Variants in ZCCHC14 observed in about 807,000 individuals in gnomAD.
ZCCHC14 encodes the protein zinc finger CCHC-type containing 14.
In ZCCHC14, 16 loss-of-function variants were observed where a neutral mutation model predicts 85.0. The ratio of observed to expected loss-of-function variants is 0.19; its 90% CI spans 0.13 to 0.29. The LOEUF (loss-of-function observed/expected upper bound fraction) is 0.29, where lower values mean the gene tolerates loss of function less well. ZCCHC14 is among the 10% of genes least tolerant of loss of function. The pLI, the probability that ZCCHC14 is intolerant of heterozygous loss-of-function variation, is 1.00. For missense variants in ZCCHC14, 1,303 were observed against 1,443.5 expected (o/e 0.90, Z 1.58); for synonymous variants, 775 against 630.7 (o/e 1.23, Z -3.43).
rs183305073 is a variant in ZCCHC14 at position 87,438,590 on chromosome 16, G to C, written c.695-5389C>G. Among the ~76,000 whole-genome samples, 105 of 152,346 alleles carry C rather than the reference G, an allele frequency of 6.9e-4. 1 individual carries two copies. The highest frequency in any genetic ancestry group is 3.1e-3 in the Admixed American group (47 of 15,308). ...CTTCCTCATTTGTTTAATGGGGATA[G>C]TAGCTTAAAAGGGCCAATAGTTTGT... On this transcript the variant is annotated intron_variant, in intron 2 of 12. Transcript: ENST00000671377.
At chr16:87,424,699 A>G (rs1909280052) in intron 3 of ZCCHC14, among the ~76,000 whole-genome samples, 1 of 152,120 alleles carries the variant, frequency 6.6e-6, no homozygotes. Flanking sequence ...AGGAGAGCGT[A>G]CTTTTTGCAC....
intron 3 of ZCCHC14, among the ~76,000 whole-genome samples, chr16:87,427,637 A>G (rs1909441144): frequency 6.6e-6 from 1 of 151,952 alleles, no homozygotes; most frequent in East Asian, 1.9e-4. Context: ...GTATTGTTTT[A>G]TCATTTTTTT....
intron 2 of ZCCHC14, among the ~76,000 whole-genome samples, chr16:87,450,756 A>C (rs117014413): frequency 6.6e-6 from 1 of 152,020 alleles, no homozygotes; most frequent in Admixed American, 6.6e-5. Context: ...GATTTTCACC[A>C]TGTTGCCCAG....
chr16:87,467,217 C>T (rs1414584653), intron 1 of ZCCHC14: 13 of 1,541,018 alleles, frequency 8.4e-6, no homozygotes, highest in Non-Finnish European at 1.2e-5. Context: ...AAAGGAAACT[C>T]GAATGAGGAC....
At chr16:87,434,512 T>G (rs566992601) in intron 2 of ZCCHC14, among the ~76,000 whole-genome samples, 1 of 152,196 alleles carries the variant, frequency 6.6e-6, no homozygotes, top group Non-Finnish European at 1.5e-5. Context: ...GTCTGCTAAT[T>G]TGTAGAATCT....
At chr16:87,453,518 G>A (rs189950645) in intron 2 of ZCCHC14, among the ~76,000 whole-genome samples, 9 of 152,298 alleles carry the variant, frequency 5.9e-5, no homozygotes, top group Admixed American at 1.3e-4. Flanking sequence ...CAAGGAGAGC[G>A]TCCCAGACAA....
chr16:87,445,135 C>T (rs1910374174), intron 2 of ZCCHC14, among the ~76,000 whole-genome samples: 1 of 150,296 alleles, frequency 6.7e-6, no homozygotes, highest in African/African-American at 2.5e-5. Context: ...GGTGTGATAT[C>T]AGCTCACTGC....
intron 2 of ZCCHC14, among the ~76,000 whole-genome samples, chr16:87,455,744 G>T (rs1432973603): frequency 6.6e-6 from 1 of 152,228 alleles, no homozygotes; most frequent in African/African-American, 2.4e-5. Flanking sequence ...CTTTACAACA[G>T]TGCAAAAGCA....
chr16:87,467,031 G>GAAA, intron 1 of ZCCHC14: 2 of 332,578 alleles, frequency 6.0e-6, no homozygotes, highest in African/African-American at 2.4e-5. Flanking sequence ...TGTTTTTCAT[G>GAAA]AAAAAAAAAA....
At chr16:87,456,577 T>C (rs185129739) in intron 2 of ZCCHC14, among the ~76,000 whole-genome samples, 100 of 147,938 alleles carry the variant, frequency 6.8e-4, no homozygotes, top group Non-Finnish European at 1.1e-3. Context: ...AGATTTTAGG[T>C]GAATTCTTGT....
intron 1 of ZCCHC14, among the ~76,000 whole-genome samples, chr16:87,482,144 A>T (rs965261767): frequency 4.6e-5 from 7 of 152,150 alleles, no homozygotes; most frequent in African/African-American, 1.7e-4. Context: ...ACTTTGGGGG[A>T]AACATGGGAA....
At chr16:87,462,158 C>T (rs568769699) in intron 1 of ZCCHC14, among the ~76,000 whole-genome samples, 2 of 151,656 alleles carry the variant, frequency 1.3e-5, no homozygotes, top group Non-Finnish European at 2.9e-5. Context: ...GCAGCAACTC[C>T]TCCAGAAAGT....
intron 2 of ZCCHC14, among the ~76,000 whole-genome samples, chr16:87,458,697 C>G (rs899284867): frequency 2.0e-5 from 3 of 152,126 alleles, no homozygotes; most frequent in African/African-American, 7.2e-5. Context: ...GTGCCAGGGA[C>G]GGGGACGGTG....
chr16:87,490,040 T>A (rs1789379631), intron 1 of ZCCHC14, among the ~76,000 whole-genome samples: 1 of 152,182 alleles, frequency 6.6e-6, no homozygotes, highest in African/African-American at 2.4e-5. Context: ...TATAAACAAC[T>A]ACATTTCCTA....
chr16:87,478,255 A>G (rs1163908939), intron 1 of ZCCHC14, among the ~76,000 whole-genome samples: 2 of 152,352 alleles, frequency 1.3e-5, no homozygotes, highest in Non-Finnish European at 2.9e-5. Context: ...TGTCATCCCT[A>G]GACCAGCCAC....
chr16:87,471,641 A>G (rs1911778393), intron 1 of ZCCHC14: 1 of 152,336 alleles, frequency 6.6e-6, no homozygotes, highest in African/African-American at 2.4e-5. Context: ...ACCAGGGGCC[A>G]ACCACATGGG....
chr16:87,413,012 A>C (rs1248766444), intron 11 of ZCCHC14, 36 bp from the exon 12 acceptor site: 1 of 1,614,092 alleles, frequency 6.2e-7, no homozygotes, highest in Admixed American at 1.7e-5. Flanking sequence ...GTGCCATTCC[A>C]CAGCTGGGCC....
chr16:87,411,495 G>A (rs1004828561), intron 12 of ZCCHC14, 21 bp downstream of exon 12: 18 of 1,611,584 alleles, frequency 1.1e-5, no homozygotes, highest in Admixed American at 8.4e-5. Flanking sequence ...CCTGGTGGGC[G>A]CGGCCATGGC....
Position 87,491,705 on chromosome 16 carries a change from C to T in ZCCHC14, c.534G>A (p.Pro178=), listed in dbSNP as rs762757496. The T allele has an allele frequency of 2.0e-6, 3 of 1,483,830 alleles. No homozygotes were observed. Among genetic ancestry groups the T allele is most frequent in the East Asian group, 2.7e-5 (1 of 36,772 alleles). The allele number at this position is 1,483,830 out of a possible 1,614,324, so 91.9% of individuals were successfully genotyped here. A position where few individuals can be genotyped will look rare whatever the true frequency, so the allele number is the denominator to read the frequency against. ...CTGGGCAAGTGGGCAGCGCGCCGCC[C>T]GGCCCGGGCGCGCCCTTGCCGCCGT... is the stretch of plus-strand genomic sequence containing the variant. The part of the protein sequence containing the change: ...GGHGGKGAPG[P]GGALPTCPAC... The change falls in exon 1 of 13, where the codon CCG becomes CCA. Residue 178 remains proline (P), a synonymous_variant. Transcript: ENST00000671377. The surrounding 1 kb of genome is among the most constrained non-coding windows in gnomAD (Gnocchi z 5.9).
Sources: allele counts gnomAD v4.1 joint callset (sites outside exome capture counted in the v4.1 genomes callset), GRCh38; gene constraint gnomAD v4.1.1; non-coding constraint Gnocchi (gnomAD v3.1); transcripts MANE v1.5; gene names NCBI Gene and HGNC (gene_info 2026-07-23, HGNC 2026-07-21).